Variants in SASH1 observed in about 807,000 individuals in gnomAD.
The protein encoded by SASH1 is SAM and SH3 domain containing 1.
Under a neutral mutation model 125.2 loss-of-function variants are expected in SASH1, and 44 were observed. The ratio of observed to expected loss-of-function variants is 0.35; its 90% confidence interval spans 0.28 to 0.45. The LOEUF is 0.45. SASH1 is among the 20% of genes least tolerant of loss of function. SASH1 has a pLI of 1.00. For synonymous variants in SASH1, 639 were observed against 649.1 expected, an observed-to-expected ratio of 0.98 and a Z score of 0.24; for missense variants, 1,426 against 1,614.5, an observed-to-expected ratio of 0.88 and a Z score of 2.00.
chr6:148,548,029 T>A (rs2115472160), intron 19 of SASH1, among the ~76,000 whole-genome samples: 1 of 152,316 alleles, frequency 6.6e-6, no homozygotes, highest in East Asian at 1.9e-4. Flanking sequence ...TGTAAATGCT[T>A]ATAGTTTGAA....
intron 4 of SASH1, among the ~76,000 whole-genome samples, chr6:148,456,292 C>T (rs753602434): frequency 3.7e-4 from 56 of 152,186 alleles, no homozygotes; most frequent in Non-Finnish European, 7.5e-4. Flanking sequence ...GGGGGCCCTC[C>T]CTGCCCGTCT....
intron 2 of SASH1, among the ~76,000 whole-genome samples, chr6:148,392,120 A>C (rs1298793908): frequency 6.6e-6 from 1 of 152,164 alleles, no homozygotes; most frequent in Non-Finnish European, 1.5e-5. Context: ...CCCCGTCTCT[A>C]CTAAAAAAAT....
the SASH1 span, among the ~76,000 whole-genome samples, chr6:148,203,484 A>G: frequency 6.6e-6 from 1 of 152,214 alleles, no homozygotes; most frequent in African/African-American, 2.4e-5. Context: ...GTTTCTTCCA[A>G]TAATAACCTT....
At chr6:148,383,422 A>G (rs1413964062) in intron 1 of SASH1, among the ~76,000 whole-genome samples, 1 of 152,204 alleles carries the variant, frequency 6.6e-6, no homozygotes, top group Non-Finnish European at 1.5e-5. Flanking sequence ...ATATGTACTT[A>G]TTATTAAGGA....
intron 1 of SASH1, among the ~76,000 whole-genome samples, chr6:148,327,377 G>T (rs1057239841): frequency 1.3e-5 from 2 of 149,886 alleles, no homozygotes. Flanking sequence ...CTCCGCCTCC[G>T]AGGTTCAAGG....
chr6:148,515,936 C>T (rs1270783660), intron 9 of SASH1, among the ~76,000 whole-genome samples: 1 of 152,176 alleles, frequency 6.6e-6, no homozygotes, highest in Non-Finnish European at 1.5e-5. Context: ...TAGTCCTGGG[C>T]CTGTTCCCCA....
In SASH1 at chr6:148,474,112, G is replaced by A. The variant is rs1178957402; in HGVS notation, c.517G>A (p.Glu173Lys). The change falls in exon 7 of 20, where the codon GAA (glutamate) becomes AAA (lysine). Residue 173 changes from glutamate (E) to lysine (K), a missense_variant and splice_region_variant. By Grantham distance (56) the Glu-to-Lys change is moderately conservative. Around this residue, in one of 3 missense-constraint regions of SASH1, gnomAD observed 567 missense variants for 575.6 expected, o/e 0.99. Transcript: ENST00000367467. ...TGTTCTTTGTCCTCAATCTCCAGGA[G>A]AAGACGTTGGTTATGTTGCCAGTGA... ...KGIMRQTSKG[E>K]DVGYVASEIT... The A allele has an allele frequency of 6.2e-7, 1 of 1,604,844 alleles. No homozygotes were observed.
intron 1 of SASH1, among the ~76,000 whole-genome samples, chr6:148,329,129 G>C (rs541711528): frequency 3.3e-5 from 5 of 152,116 alleles, no homozygotes; most frequent in South Asian, 4.2e-4. Context: ...CTAGAACAAG[G>C]CTTCTTTGTT....
intron 1 of SASH1, among the ~76,000 whole-genome samples, chr6:148,324,623 A>G (rs1230469140): frequency 6.6e-6 from 1 of 152,238 alleles, no homozygotes; most frequent in Non-Finnish European, 1.5e-5. Context: ...AGAAAAAAGT[A>G]GATTCTTTAG....
the SASH1 span, among the ~76,000 whole-genome samples, chr6:148,218,341 C>T: frequency 2.6e-5 from 4 of 152,168 alleles, no homozygotes; most frequent in Non-Finnish European, 4.4e-5. Context: ...CACAATAAGA[C>T]CCCAACCCAA....
chr6:148,241,405 C>T, the SASH1 span, among the ~76,000 whole-genome samples: 1 of 152,200 alleles, frequency 6.6e-6, no homozygotes, highest in African/African-American at 2.4e-5. Context: ...TGAAGTCATA[C>T]ATTTTGCAGT....
intron 1 of SASH1, among the ~76,000 whole-genome samples, chr6:148,327,242 CGAATGAATGAATGAAT>C (rs552385857): frequency 6.6e-6 from 1 of 151,174 alleles, no homozygotes; most frequent in South Asian, 2.1e-4. Context: ...AACGAACGGA[CGAATGAATGAATGAAT>C]GAATGAATGA....
intron 1 of SASH1, among the ~76,000 whole-genome samples, chr6:148,367,930 G>C (rs561536471): frequency 1.2e-4 from 19 of 152,212 alleles, no homozygotes; most frequent in African/African-American, 4.1e-4. Flanking sequence ...GGGGTCTACC[G>C]CAAGCCCAGC....
At chr6:148,432,366 A>G (rs923082777) in intron 2 of SASH1, among the ~76,000 whole-genome samples, 1 of 152,226 alleles carries the variant, frequency 6.6e-6, no homozygotes, top group Non-Finnish European at 1.5e-5. Context: ...TGAAGAACAC[A>G]TATAATGTAG....
At chr6:148,327,504 C>T (rs896843753) in intron 1 of SASH1, among the ~76,000 whole-genome samples, 3 of 150,554 alleles carry the variant, frequency 2.0e-5, no homozygotes, top group African/African-American at 7.3e-5. Flanking sequence ...AGGCTGGTCT[C>T]GAACTCCTGA....
At chr6:148,259,016 A>G in the SASH1 span, among the ~76,000 whole-genome samples, 2 of 152,328 alleles carry the variant, frequency 1.3e-5, no homozygotes, top group South Asian at 4.1e-4. Context: ...TTTCATGGTT[A>G]CCATGTTCCA....
chr6:148,418,606 C>G (rs13193165), intron 2 of SASH1, among the ~76,000 whole-genome samples: 7,753 of 152,284 alleles, frequency 0.051, 251 homozygotes, highest in East Asian at 0.078. Flanking sequence ...TCTACTCTTT[C>G]CTTTTTGAAT....
the SASH1 span, among the ~76,000 whole-genome samples, chr6:148,193,767 A>C: frequency 2.6e-5 from 4 of 152,202 alleles, no homozygotes; most frequent in Admixed American, 2.6e-4. Context: ...CGTGCCTTCT[A>C]CATATCAAAT....
chr6:148,389,138 G>A (rs919587868), intron 1 of SASH1, among the ~76,000 whole-genome samples: 28 of 152,202 alleles, frequency 1.8e-4, no homozygotes, highest in African/African-American at 6.5e-4. Context: ...CTTGCAGTGA[G>A]TATTACACTG....
Sources: gnomAD v4.1 joint callset for allele counts (sites outside exome capture counted in the v4.1 genomes callset) on GRCh38, gnomAD v4.1.1 for gene constraint, gnomAD v4.1.1 regional missense constraint, MANE v1.5 for transcripts, NCBI Gene and HGNC (gene_info 2026-07-23, HGNC 2026-07-21) for gene names.